Variants in NDUFAF2 observed in about 807,000 individuals in gnomAD.
NDUFAF2 encodes the protein NADH:ubiquinone oxidoreductase complex assembly factor 2.
In NDUFAF2, 13 loss-of-function variants were observed where a neutral mutation model predicts 22.8. The observed-to-expected ratio is 0.57, with a 90% CI of 0.37 to 0.91. The LOEUF (loss-of-function observed/expected upper bound fraction) is 0.91. Ranked by LOEUF, NDUFAF2 falls within the 40% of genes least tolerant of loss-of-function variation. The probability of loss-of-function intolerance (pLI) is 0.01; values close to 1 mark genes in which losing one functional copy is unlikely to be tolerated. For synonymous variants in NDUFAF2, 53 were observed against 64.2 expected (o/e 0.83, Z 0.84); for missense variants, 162 against 195.2 (o/e 0.83, Z 1.01).
intron 3 of NDUFAF2, among the ~76,000 whole-genome samples, chr5:61,108,513 G>T (rs1752796957): frequency 6.6e-6 from 1 of 151,328 alleles, no homozygotes; most frequent in South Asian, 2.1e-4. Context: ...TGCAGCTTAT[G>T]GGGTATTTCT....
At chr5:61,090,593 C>A (rs959080387) in intron 2 of NDUFAF2, among the ~76,000 whole-genome samples, 1 of 151,792 alleles carries the variant, frequency 6.6e-6, no homozygotes, top group African/African-American at 2.4e-5. Context: ...TTGCTGAAAC[C>A]TTTTATAGAT....
chr5:61,036,738 A>T (rs1188937578), intron 1 of NDUFAF2, among the ~76,000 whole-genome samples: 1 of 152,124 alleles, frequency 6.6e-6, no homozygotes, highest in Non-Finnish European at 1.5e-5. Context: ...GGATCTAGAG[A>T]CAGAGTTGTG....
intron 3 of NDUFAF2, among the ~76,000 whole-genome samples, chr5:61,129,965 T>G (rs1002196543): frequency 5.9e-5 from 9 of 152,084 alleles, no homozygotes; most frequent in African/African-American, 2.2e-4. Context: ...GCTGTTCTAA[T>G]TCCTGCCACA....
At chr5:60,989,593 C>T (rs1751131012) in intron 1 of NDUFAF2, among the ~76,000 whole-genome samples, 1 of 152,148 alleles carries the variant, frequency 6.6e-6, no homozygotes, top group Non-Finnish European at 1.5e-5. Flanking sequence ...ATGTCCTTTT[C>T]AGCAACATGG....
chr5:60,949,852 G>A (rs1044254561), intron 1 of NDUFAF2, among the ~76,000 whole-genome samples: 1 of 152,070 alleles, frequency 6.6e-6, no homozygotes, highest in Non-Finnish European at 1.5e-5. Flanking sequence ...TATTATAAAT[G>A]ATGCTTTAAA....
At chr5:61,095,707 C>T (rs1429147018) in intron 2 of NDUFAF2, among the ~76,000 whole-genome samples, 1 of 152,100 alleles carries the variant, frequency 6.6e-6, no homozygotes, top group Non-Finnish European at 1.5e-5. Flanking sequence ...GAGGAGATCT[C>T]CTGACTCAGG....
intron 3 of NDUFAF2, among the ~76,000 whole-genome samples, chr5:61,105,199 A>C (rs1422338195): frequency 6.7e-6 from 1 of 148,794 alleles, no homozygotes; most frequent in African/African-American, 2.6e-5. Flanking sequence ...CTGGCTTATG[A>C]TGTGTTGATC....
At chr5:61,089,201 A>G (rs1206257181) in intron 2 of NDUFAF2, among the ~76,000 whole-genome samples, 1 of 152,128 alleles carries the variant, frequency 6.6e-6, no homozygotes, top group African/African-American at 2.4e-5. Context: ...TGAAAATCTC[A>G]TACATGCTGA....
In NDUFAF2 at chr5:61,146,164, G is replaced by T. The variant is rs1579854041; in HGVS notation, c.259-6540G>T. On this transcript the variant is annotated intron_variant, in intron 3 of 3. Transcript: ENST00000296597. ...TCAGGCTGTGCGTCTCCTGAACCAGGTTCACAAAGCTTGAGAAGTTTGCTT... is the reference window on the plus strand; with the variant it reads ...TCAGGCTGTGCGTCTCCTGAACCAGTTTCACAAAGCTTGAGAAGTTTGCTT... 4 of 152,318 alleles carry T rather than the reference G, an allele frequency of 2.6e-5. No individual in the cohort carries two copies. The South Asian group carries it at 8.3e-4, about 32-fold the overall frequency. 9.4% of individuals were successfully genotyped at this position (152,318 alleles called of 1,614,324 possible).
intron 1 of NDUFAF2, among the ~76,000 whole-genome samples, chr5:61,041,459 T>TA (rs1751881500): frequency 6.6e-6 from 1 of 152,272 alleles, no homozygotes; most frequent in African/African-American, 2.4e-5. Flanking sequence ...AGATTCCCAG[T>TA]GTTGGTTTTA....
At chr5:61,047,563 A>G (rs1016730938) in intron 1 of NDUFAF2, among the ~76,000 whole-genome samples, 69 of 152,188 alleles carry the variant, frequency 4.5e-4, no homozygotes, top group Non-Finnish European at 1.3e-4. Context: ...TGAACCAGCC[A>G]TGGCTGTTCC....
intron 1 of NDUFAF2, among the ~76,000 whole-genome samples, chr5:61,051,867 T>G (rs1045762159): frequency 4.6e-5 from 7 of 152,164 alleles, no homozygotes; most frequent in Non-Finnish European, 1.0e-4. Context: ...TGATTAGCTA[T>G]GCATTTTCTA....
chr5:61,073,290 T>C (rs1752324850), intron 2 of NDUFAF2, 76 bp downstream of exon 2: 2 of 1,075,024 alleles, frequency 1.9e-6, no homozygotes, highest in Admixed American at 1.7e-5. Flanking sequence ...AGAGCATATA[T>C]AGTTATATAC....
intron 2 of NDUFAF2, among the ~76,000 whole-genome samples, chr5:61,091,203 A>G (rs1752564967): frequency 6.6e-6 from 1 of 152,210 alleles, no homozygotes; most frequent in African/African-American, 2.4e-5. Flanking sequence ...GTTTATACCC[A>G]GTAATGGGAT....
intron 3 of NDUFAF2, among the ~76,000 whole-genome samples, chr5:61,143,841 A>G (rs1240196517): frequency 6.6e-6 from 1 of 152,158 alleles, no homozygotes; most frequent in African/African-American, 2.4e-5. Context: ...CAGTTTGAAC[A>G]TAGTTATATA....
intron 1 of NDUFAF2, among the ~76,000 whole-genome samples, chr5:61,009,197 G>C (rs1751412165): frequency 1.3e-5 from 2 of 151,998 alleles, no homozygotes; most frequent in Admixed American, 6.6e-5. Context: ...GAATATTTTA[G>C]GTGTTATAAG....
chr5:61,008,066 A>G lies in NDUFAF2; in HGVS notation c.127+62684A>G, dbSNP rs1372271599. Among the ~76,000 whole-genome samples, 6 of 148,446 alleles carry G rather than the reference A, an allele frequency of 4.0e-5. No individual in the cohort carries two copies. The South Asian group carries it at 1.1e-3, about 26-fold the overall frequency. Reference sequence around the variant, plus strand: ...CTATCGCAAGAACAAAAAACCAAACACCGCATCTTCTCACTCACAGGTGGG... The same window carrying G: ...CTATCGCAAGAACAAAAAACCAAACGCCGCATCTTCTCACTCACAGGTGGG... On this transcript the variant is annotated intron_variant, in intron 1 of 3. Coordinates refer to ENST00000296597, the MANE Select transcript of NDUFAF2 (RefSeq NM_174889.5).
intron 2 of NDUFAF2, among the ~76,000 whole-genome samples, chr5:61,080,603 C>CTACA (rs1752429624): frequency 1.3e-5 from 2 of 152,130 alleles, no homozygotes; most frequent in South Asian, 4.1e-4. Flanking sequence ...TCTCTAATGA[C>CTACA]TAATGACCTA....
intron 1 of NDUFAF2, among the ~76,000 whole-genome samples, chr5:61,011,827 C>G (rs937101261): frequency 6.6e-6 from 1 of 151,974 alleles, no homozygotes; most frequent in Non-Finnish European, 1.5e-5. Context: ...CTCGTTATAC[C>G]CGAACTCAAT....
Sources: allele counts gnomAD v4.1 joint callset (sites outside exome capture counted in the v4.1 genomes callset), GRCh38; gene constraint gnomAD v4.1.1; transcripts MANE v1.5; gene names NCBI Gene and HGNC (gene_info 2026-07-23, HGNC 2026-07-21).